SPTBN5: variants seen among roughly 807,000 people sequenced by gnomAD.
SPTBN5 encodes spectrin beta, non-erythrocytic 5, also known as spectrin beta chain, non-erythrocytic 5.
A neutral mutation model predicts 477.6 loss-of-function variants in SPTBN5; 513 were observed. The observed-to-expected ratio is 1.07, with a 90% CI of 1.00 to 1.16. The LOEUF (loss-of-function observed/expected upper bound fraction) is 1.16. SPTBN5 is among the 50% of genes most tolerant of loss of function. The pLI, the probability that SPTBN5 is intolerant of heterozygous loss-of-function variation, is 0.00. For missense variants in SPTBN5, 5,062 were observed against 4,731.8 expected (o/e 1.07, Z -2.05); for synonymous variants, 2,169 against 2,011.7 (o/e 1.08, Z -2.09).
chr15:41,854,258 T>C, intron 56 of SPTBN5, 53 bp from the exon 57 acceptor site: 4 of 1,546,908 alleles, frequency 2.6e-6, no homozygotes, highest in Non-Finnish European at 3.5e-6. Flanking sequence ...CCAGGATTCC[T>C]TTCTCCCTGG....
At chr15:41,887,805 ACATC>A in intron 5 of SPTBN5, 119 bp downstream of exon 5, 1 of 1,026,192 alleles carries the variant, frequency 9.7e-7, no homozygotes, top group Non-Finnish European at 1.4e-6. Context: ...AGCCCTTTCT[ACATC>A]TGTGTCCACT....
intron 33 of SPTBN5, 29 bp from the exon 34 acceptor site, chr15:41,868,247 C>A (rs780411557): frequency 6.3e-7 from 1 of 1,577,436 alleles, no homozygotes; most frequent in East Asian, 2.3e-5. Context: ...GGAGCCTCAG[C>A]TGGGGAGGGT....
chr15:41,871,791 C>T lies in SPTBN5; in HGVS notation c.5292G>A (p.Glu1764=). 6.3e-7 allele frequency: 1 copy of T among 1,587,466 alleles called. No individual in the cohort carries two copies. The highest frequency in any genetic ancestry group is 8.6e-7 in the Non-Finnish European group (1 of 1,166,856). Residue 1764 remains glutamate (E), a synonymous_variant, in exon 28 of 68, where the codon GAG becomes GAA. Transcript: ENST00000320955. ...KGGESLGEDP[E]HALHLCTKFA... ...CTGGCCCTCTTCTCACCAGGGCGTG[C>T]TCGGGGTCCTCTCCCAGGCTCTCCC...
chr15:41,892,944 C>T lies in SPTBN5; in HGVS notation c.334G>A (p.Val112Met). ...LPPPSRGRLRVHFLENSSRAL... is the reference protein window; with the variant it reads ...LPPPSRGRLRMHFLENSSRAL... ...CGGCTGCTGTTCTCCAGGAAGTGCA[C>T]ACGCAGGCGGCCCCGGCTCGGGGGT... The change falls in exon 3 of 68, where the codon GTG (valine) becomes ATG (methionine). Residue 112 changes from valine to methionine, a missense_variant. By Grantham distance (21) the Val-to-Met change is conservative. Transcript: ENST00000320955. The T allele has an allele frequency of 6.2e-7, 1 of 1,608,526 alleles. No individual in the cohort carries two copies. The highest frequency in any genetic ancestry group is 8.5e-7 in the Non-Finnish European group (1 of 1,179,690).
At position 41,854,293 on chromosome 15, in the gene SPTBN5, C is replaced by T. The variant is rs973921774; in HGVS notation, c.9619-88G>A. 3 of 1,464,580 alleles carry T rather than the reference C, an allele frequency of 2.0e-6. No individual in the cohort carries two copies. In the African/African-American group the frequency reaches 4.2e-5, roughly 21 times the overall value. 90.7% of individuals were successfully genotyped at this position (1,464,580 alleles called of 1,614,324 possible). ...GAGACATGGCCTTCTGGGCCACCTC[C>T]TTTTGAACAAGGAGGATCATGGGGC... is the stretch of plus-strand genomic sequence containing the variant. On this transcript the variant is annotated intron_variant, in intron 56 of 67. Coordinates refer to ENST00000320955, the MANE Select transcript of SPTBN5 (RefSeq NM_016642.4).
In SPTBN5 at chr15:41,854,067, G is replaced by T. The variant is rs747569038; in HGVS notation, c.9757C>A (p.Gln3253Lys). The part of the protein sequence containing the change: ...SLSSVRTLQQ[Q>K]HRRLERELEA... ...GGCCTCACCTCCAGGCGCCTGTGCT[G>T]TTGCTGCAGGGTCCGCACAGATGAC... The change falls in exon 57 of 68, where the codon CAG becomes AAG. Residue 3253 changes from glutamine (Q) to lysine (K), a missense_variant. Gln to Lys is a moderately conservative substitution (Grantham distance 53). Transcript: ENST00000320955. 1.9e-6 allele frequency: 3 copies of T among 1,572,576 alleles called. No homozygotes were observed. Among genetic ancestry groups the T allele is most frequent in the East Asian group, 2.3e-5 (1 of 42,880 alleles).
At chr15:41,873,671 G>T in intron 25 of SPTBN5, 63 bp from the exon 26 acceptor site, 2 of 1,479,594 alleles carry the variant, frequency 1.4e-6, no homozygotes, top group Non-Finnish European at 9.2e-7. Context: ...CAGCCCTGGA[G>T]ACATCTGCCC....
intron 63 of SPTBN5, 25 bp downstream of exon 63, chr15:41,851,754 G>A (rs2065772096): frequency 1.9e-6 from 3 of 1,585,056 alleles, no homozygotes; most frequent in South Asian, 1.1e-5. Context: ...GGAGCTGCCT[G>A]GAGAAGGAAT....
chr15:41,856,431 C>A lies in SPTBN5; in HGVS notation c.8976G>T (p.Arg2992=). The change falls in exon 53 of 68, where the codon CGG becomes CGT. Residue 2992 remains arginine, a synonymous_variant. Transcript: ENST00000320955. ...CCTCCTGAGCCTGCTGCAGCAGAAG[C>A]CGCCTCCGCGCCGCCTCTGCCCGCA... The part of the protein sequence containing the change: ...AHLRAEAARR[R]LLLQQAQEAQ... The A allele has an allele frequency of 8.2e-6, 13 of 1,593,476 alleles. No homozygotes were observed. The highest frequency in any genetic ancestry group is 1.1e-5 in the Non-Finnish European group (13 of 1,169,390).
In SPTBN5 at chr15:41,857,499, G is replaced by C. The variant is rs1595450250; in HGVS notation, c.8365-5C>G. ...GCTCCGCCGCAGACGCAGGGCCTAG[G>C]GTAGAAAGTGAGGTAGGCAGGAGGG... On this transcript the variant is annotated splice_region_variant and splice_polypyrimidine_tract_variant and intron_variant, in intron 50 of 67. Transcript: ENST00000320955. The C allele has an allele frequency of 1.9e-6, 3 of 1,604,630 alleles. No individual in the cohort carries two copies. Among genetic ancestry groups the C allele is most frequent in the South Asian group, 2.2e-5 (2 of 90,438 alleles).
chr15:41,848,453 C>T lies in SPTBN5; in HGVS notation c.*163G>A, dbSNP rs2065628100. ...CTGTTTCCTGCCACATGGTAGGACC[C>T]ATCTAACCAGAAGGAACTGTCTATT... On this transcript the variant is annotated 3_prime_UTR_variant, in exon 68 of 68. Coordinates refer to ENST00000320955, the MANE Select transcript of SPTBN5 (RefSeq NM_016642.4). 1 of 790,210 alleles carries T rather than the reference C, an allele frequency of 1.3e-6. No individual in the cohort carries two copies. Among genetic ancestry groups the T allele is most frequent in the Non-Finnish European group, 2.2e-6 (1 of 453,252 alleles). 48.9% of individuals were successfully genotyped at this position (790,210 alleles called of 1,614,324 possible). A position where few individuals can be genotyped will look rare whatever the true frequency, so the allele number is the denominator to read the frequency against.
chr15:41,880,118 G>C lies in SPTBN5; in HGVS notation c.2811+42C>G, dbSNP rs766159665. ...CACAGCAGCAGACCACAGGGAGGCA[G>C]GGGCAAGGCGAGGAGGAGGTGCCAA... On this transcript the variant is annotated intron_variant, in intron 14 of 67. Coordinates refer to ENST00000320955, the MANE Select transcript of SPTBN5 (RefSeq NM_016642.4). 7.8e-6 allele frequency: 12 copies of C among 1,541,222 alleles called. No individual in the cohort carries two copies. In the African/African-American group the frequency reaches 1.7e-4, roughly 21 times the overall value.
Position 41,876,520 on chromosome 15 carries a change from G to A in SPTBN5, c.3951+28C>T, listed in dbSNP as rs750057740. 9.3e-5 allele frequency: 144 copies of A among 1,555,176 alleles called. No individual in the cohort carries two copies. In the African/African-American group the frequency reaches 9.3e-4, roughly 10 times the overall value. The stretch of plus-strand genomic sequence containing the variant: ...TCTCAGGCTTTCTTTTCAGGGAGGC[G>A]TCATGCGACCTGGGCCCAGACCCTC... On this transcript the variant is annotated intron_variant, in intron 20 of 67. Coordinates refer to ENST00000320955, the MANE Select transcript of SPTBN5 (RefSeq NM_016642.4).
In SPTBN5 at chr15:41,866,403, G is replaced by A. The variant is rs1244521285; in HGVS notation, c.6571C>T (p.His2191Tyr). 5 of 1,611,794 alleles carry A rather than the reference G, an allele frequency of 3.1e-6. No individual in the cohort carries two copies. The highest frequency in any genetic ancestry group is 1.3e-5 in the African/African-American group (1 of 74,880). Reference protein sequence around the residue: ...LRDKLKPLLKHQAFEAEVQAH... With the variant: ...LRDKLKPLLKYQAFEAEVQAH... ...TGGACTTCAGCCTCAAAGGCCTGGT[G>A]TTTCAGCAGGGGCTTCAGCTTATCT... The change falls in exon 37 of 68, where the codon CAC (histidine) becomes TAC (tyrosine). Residue 2191 changes from histidine (H) to tyrosine (Y), a missense_variant. By Grantham distance (83) the His-to-Tyr change is moderately conservative. Coordinates refer to ENST00000320955, the MANE Select transcript of SPTBN5 (RefSeq NM_016642.4).
Position 41,890,227 on chromosome 15 carries a change from C to G in SPTBN5, c.385-22G>C. On this transcript the variant is annotated intron_variant, in intron 3 of 67. Coordinates refer to ENST00000320955, the MANE Select transcript of SPTBN5 (RefSeq NM_016642.4). The stretch of plus-strand genomic sequence containing the variant: ...GCACCTGTGGGCACAGTTGGATGGG[C>G]TAAGCCATGAAGCCCATGTCCAGAG... 2.6e-6 allele frequency: 4 copies of G among 1,567,092 alleles called. No homozygotes were observed. In the East Asian group the frequency reaches 9.1e-5, roughly 36 times the overall value.
At position 41,848,371 on chromosome 15, in the gene SPTBN5, GCCGTAACACGTCT is replaced by G; in HGVS notation, c.*232_*244del. On this transcript the variant is annotated 3_prime_UTR_variant, in exon 68 of 68. Transcript: ENST00000320955. ...AGCCCTGGCCTTGCCCACCTGCTCTGCCGTAACACGTCTCCTCTTCACCCAGACAGGAATGCAG... is the reference window on the plus strand; with the variant it reads ...AGCCCTGGCCTTGCCCACCTGCTCTGCCTCTTCACCCAGACAGGAATGCAG... The G allele has an allele frequency of 1.7e-6, 1 of 593,150 alleles. No homozygotes were observed. Among genetic ancestry groups the G allele is most frequent in the Non-Finnish European group, 3.0e-6 (1 of 329,076 alleles). 36.7% of individuals were successfully genotyped at this position (593,150 alleles called of 1,614,324 possible). A position where few individuals can be genotyped will look rare whatever the true frequency, so the allele number is the denominator to read the frequency against.
In SPTBN5 at chr15:41,862,808, G is replaced by A. The variant is rs267604197; in HGVS notation, c.7245C>T (p.Pro2415=). ...TACGCACCTCCACCTGGGCCTGGAT[G>A]GGGTGCACTTCCCGCTCCAGCTCCT... ...KHEELEREVH[P]IQAQVESLER... Residue 2415 remains proline, a synonymous_variant, in exon 42 of 68, where the codon CCC becomes CCT. Coordinates refer to ENST00000320955, the MANE Select transcript of SPTBN5 (RefSeq NM_016642.4). 3.2e-6 allele frequency: 5 copies of A among 1,578,000 alleles called. No homozygotes were observed. The highest frequency in any genetic ancestry group is 1.2e-5 in the South Asian group (1 of 85,796).
intron 22 of SPTBN5, 124 bp from the exon 23 acceptor site, chr15:41,875,180 G>T: frequency 1.0e-6 from 1 of 972,426 alleles, no homozygotes; most frequent in Non-Finnish European, 1.5e-6. Flanking sequence ...CCCCACCACT[G>T]CCAACCCTCG....
chr15:41,856,749 C>A, intron 52 of SPTBN5, 104 bp downstream of exon 52: 2 of 1,369,190 alleles, frequency 1.5e-6, no homozygotes, highest in Non-Finnish European at 2.0e-6. Flanking sequence ...TCCCAAAAGC[C>A]CCCACAGGCA....
Sources: allele counts gnomAD v4.1 joint callset, GRCh38; gene constraint gnomAD v4.1.1; transcripts MANE v1.5; gene names NCBI Gene and HGNC (gene_info 2026-07-23, HGNC 2026-07-21).